SYNE1: variants seen among roughly 807,000 people sequenced by gnomAD.
SYNE1 encodes spectrin repeat containing nuclear envelope protein 1, also known as nesprin-1.
Under a neutral mutation model 1,111.0 loss-of-function variants are expected in SYNE1, and 616 were observed. That is an observed-to-expected ratio of 0.55 (90% CI 0.52 to 0.59). The LOEUF is 0.59. Ranked by LOEUF, SYNE1 falls within the 20% of genes least tolerant of loss-of-function variation. The pLI, the probability that SYNE1 is intolerant of heterozygous loss-of-function variation, is 0.00. For missense variants in SYNE1, 10,006 were observed against 10,417.0 expected, an observed-to-expected ratio of 0.96 and a Z score of 1.72; for synonymous variants, 3,855 against 3,825.8, an observed-to-expected ratio of 1.01 and a Z score of -0.28.
intron 137 of SYNE1, chr6:152,145,084 C>T (rs944571178): frequency 2.0e-5 from 6 of 296,644 alleles, no homozygotes; most frequent in South Asian, 3.3e-5. Flanking sequence ...TGCAGGCTGG[C>T]GGACTTGGGA....
At position 152,284,155 on chromosome 6, in the gene SYNE1, A is replaced by C. The variant is rs773651656; in HGVS notation, c.18030T>G (p.Ile6010Met). 1 of 1,614,152 alleles carries C rather than the reference A, an allele frequency of 6.2e-7. No homozygotes were observed. Among genetic ancestry groups the C allele is most frequent in the Non-Finnish European group, 8.5e-7 (1 of 1,180,026 alleles). Residue 6010 changes from isoleucine (I) to methionine (M), a missense_variant, in exon 96 of 146, where the codon ATT becomes ATG. By Grantham distance (10) the Ile-to-Met change is conservative. Around this residue, in one of 7 missense-constraint regions of SYNE1, gnomAD observed 4,955 missense variants for 5,017.2 expected, o/e 0.99. Transcript: ENST00000367255. ...CATTGATTTCATCCTGGAGCATGAG[A>C]ATCTCATCCATCAATGCCTGGAGGA... ...MAEHQALMDE[I>M]LMLQDEINEL...
At chr6:152,224,153 A>G (rs999082532) in intron 117 of SYNE1, among the ~76,000 whole-genome samples, 1 of 152,174 alleles carries the variant, frequency 6.6e-6, no homozygotes, top group Non-Finnish European at 1.5e-5. Context: ...ATATGTTTGG[A>G]GATGCAGATA....
At chr6:152,138,549 A>G (rs1268951986) in intron 140 of SYNE1, among the ~76,000 whole-genome samples, 1 of 148,882 alleles carries the variant, frequency 6.7e-6, no homozygotes, top group Admixed American at 6.6e-5. Context: ...ATAAATAAAT[A>G]AATAAATAAA....
At chr6:152,471,341 A>T (rs886876411) in intron 16 of SYNE1, among the ~76,000 whole-genome samples, 1 of 152,224 alleles carries the variant, frequency 6.6e-6, no homozygotes, top group South Asian at 2.1e-4. Flanking sequence ...AAAGCCAGTC[A>T]GGATGGTCCC....
Position 152,409,086 on chromosome 6 carries a change from G to T in SYNE1, c.6522C>A (p.Thr2174=). Residue 2174 remains threonine (T), a synonymous_variant, in exon 44 of 146, where the codon ACC becomes ACA. Coordinates refer to ENST00000367255, the MANE Select transcript of SYNE1 (RefSeq NM_182961.4). The part of the protein sequence containing the change: ...FSLVKTDMES[T]VDKWLDVSEK... ...ATCTTACATCCAGCCATTTGTCCAC[G>T]GTGCTCTCCATGTCTGTTTTCACCA... 4 of 1,613,978 alleles carry T rather than the reference G, an allele frequency of 2.5e-6. No individual in the cohort carries two copies. Among genetic ancestry groups the T allele is most frequent in the Non-Finnish European group, 3.4e-6 (4 of 1,179,962 alleles).
At chr6:152,635,930 C>T (rs970100538) in intron 2 of SYNE1, among the ~76,000 whole-genome samples, 1 of 152,174 alleles carries the variant, frequency 6.6e-6, no homozygotes, top group African/African-American at 2.4e-5. Flanking sequence ...CCTGCCTTCC[C>T]AAGGGGCTTC....
At chr6:152,225,900 CT>C in intron 115 of SYNE1, 24 bp from the exon 116 acceptor site, 1 of 1,607,390 alleles carries the variant, frequency 6.2e-7, no homozygotes, top group Non-Finnish European at 8.5e-7. Flanking sequence ...AAAATAGTCA[CT>C]TTAAATTGTT....
intron 4 of SYNE1, among the ~76,000 whole-genome samples, chr6:152,538,239 C>T (rs187402757): frequency 1.9e-4 from 29 of 152,218 alleles, no homozygotes; most frequent in Admixed American, 3.9e-4. Context: ...GTTCAAACAA[C>T]GTATACCAGG....
intron 145 of SYNE1, among the ~76,000 whole-genome samples, chr6:152,123,348 G>T (rs1420736576): frequency 6.6e-6 from 1 of 152,156 alleles, no homozygotes. Flanking sequence ...TAGATGCTAG[G>T]CTGATCCTAT....
intron 2 of SYNE1, among the ~76,000 whole-genome samples, chr6:152,629,839 G>T (rs963420867): frequency 6.6e-6 from 1 of 151,952 alleles, no homozygotes; most frequent in Non-Finnish European, 1.5e-5. Context: ...AGAGGAAGAA[G>T]GGGAGAATGG....
At chr6:152,506,787 G>A (rs927573102) in intron 8 of SYNE1, among the ~76,000 whole-genome samples, 1 of 152,074 alleles carries the variant, frequency 6.6e-6, no homozygotes, top group Non-Finnish European at 1.5e-5. Flanking sequence ...ATGTTGGCCA[G>A]GCTGGTCTCA....
intron 128 of SYNE1, among the ~76,000 whole-genome samples, chr6:152,180,601 A>C (rs2067721972): frequency 1.3e-5 from 2 of 152,158 alleles, no homozygotes. Context: ...AATGGAAAAG[A>C]GTAGGGAAAG....
At chr6:152,573,327 C>G (rs2099477583) in intron 3 of SYNE1, among the ~76,000 whole-genome samples, 1 of 130,250 alleles carries the variant, frequency 7.7e-6, no homozygotes, top group Non-Finnish European at 1.6e-5. Context: ...TGCTATCCCC[C>G]CCCCTCCCCC....
At chr6:152,376,978 A>G (rs1034713059) in intron 56 of SYNE1, 66 bp from the exon 57 acceptor site, 6 of 1,567,514 alleles carry the variant, frequency 3.8e-6, no homozygotes, top group African/African-American at 2.7e-5. Flanking sequence ...TCTTCACACT[A>G]TACATGCATC....
chr6:152,503,296 C>T (rs916863925), intron 9 of SYNE1, among the ~76,000 whole-genome samples: 1 of 152,188 alleles, frequency 6.6e-6, no homozygotes, highest in African/African-American at 2.4e-5. Context: ...CCTGGGCAGC[C>T]TCCTCTTTGT....
At chr6:152,199,191 TC>T (rs1301258716) in intron 127 of SYNE1, among the ~76,000 whole-genome samples, 5 of 151,860 alleles carry the variant, frequency 3.3e-5, no homozygotes, top group Admixed American at 2.6e-4. Flanking sequence ...AATTTTTTTT[TC>T]CTAAATTGAA....
At chr6:152,505,484 T>C (rs1248372307) in intron 8 of SYNE1, 87 bp from the exon 9 acceptor site, 5 of 1,420,774 alleles carry the variant, frequency 3.5e-6, no homozygotes, top group South Asian at 1.2e-5. Context: ...TCCAGTGCTT[T>C]TCACCAACGA....
At chr6:152,401,401 A>G (rs2097815592) in intron 46 of SYNE1, 60 bp from the exon 47 acceptor site, 2 of 1,536,428 alleles carry the variant, frequency 1.3e-6, no homozygotes, top group East Asian at 4.5e-5. Flanking sequence ...CTCATTCAGT[A>G]GAAATTCTGT....
chr6:152,552,341 G>A (rs930981575), intron 3 of SYNE1, among the ~76,000 whole-genome samples: 2 of 151,798 alleles, frequency 1.3e-5, no homozygotes, highest in South Asian at 2.1e-4. Flanking sequence ...CACATTTTGG[G>A]ATTTTGCATT....
Sources: allele counts gnomAD v4.1 joint callset (sites outside exome capture counted in the v4.1 genomes callset), GRCh38; gene constraint gnomAD v4.1.1; regional missense constraint gnomAD v4.1.1; transcripts MANE v1.5; gene names NCBI Gene and HGNC (gene_info 2026-07-23, HGNC 2026-07-21).